Variants in FBF1 observed in about 807,000 individuals in gnomAD.
FBF1 encodes fas-binding factor 1.
Under a neutral mutation model 147.2 loss-of-function variants are expected in FBF1, and 119 were observed. The observed-to-expected ratio is 0.81, with a 90% CI of 0.70 to 0.94. The LOEUF is 0.94. FBF1 is among the 40% of genes least tolerant of loss of function. The pLI, the probability that FBF1 is intolerant of heterozygous loss-of-function variation, is 0.00. For synonymous variants in FBF1, 601 were observed against 609.0 expected, an observed-to-expected ratio of 0.99 and a Z score of 0.19; for missense variants, 1,449 against 1,500.8, an observed-to-expected ratio of 0.97 and a Z score of 0.57.
Position 75,920,124 on chromosome 17 carries a change from G to A in FBF1, c.1831-17C>T, listed in dbSNP as rs2065515807. Reference sequence around the variant, plus strand: ...CTTCCGCACCTGGGAGACAGCAGGAGGGCCAGCAACCAGGGAGGGGAGGTG... The same window carrying A: ...CTTCCGCACCTGGGAGACAGCAGGAAGGCCAGCAACCAGGGAGGGGAGGTG... On this transcript the variant is annotated splice_polypyrimidine_tract_variant and intron_variant, in intron 18 of 29. Transcript: ENST00000636174. 1.9e-6 allele frequency: 3 copies of A among 1,580,994 alleles called. No homozygotes were observed. The highest frequency in any genetic ancestry group is 4.7e-5 in the East Asian group (2 of 42,752).
chr17:75,926,251 C>A (rs374802861), intron 11 of FBF1, 37 bp downstream of exon 11: 1 of 1,610,566 alleles, frequency 6.2e-7, no homozygotes, highest in African/African-American at 1.3e-5. Context: ...TTTCCCTGAA[C>A]CTGAGGCAGC....
intron 23 of FBF1, among the ~76,000 whole-genome samples, chr17:75,916,896 A>T (rs2065492214): frequency 1.3e-5 from 2 of 152,222 alleles, no homozygotes; most frequent in African/African-American, 4.8e-5. Context: ...TGTTAACCAG[A>T]CTGGTGTGCC....
intron 9 of FBF1, 37 bp downstream of exon 9, chr17:75,927,418 C>A: frequency 6.5e-7 from 1 of 1,547,438 alleles, no homozygotes; most frequent in Non-Finnish European, 8.8e-7. Context: ...ACTCCCAAAC[C>A]AGAGTGTCCC....
chr17:75,920,840 G>A (rs901483809), intron 17 of FBF1, among the ~76,000 whole-genome samples: 3 of 151,944 alleles, frequency 2.0e-5, no homozygotes, highest in South Asian at 2.1e-4. Context: ...TGGGGGGGGG[G>A]GGGGCACACC....
rs1170021565 is a variant in FBF1, at chr17:75,928,645, AAAAAATAC to A, written c.280-460_280-453del. The stretch of plus-strand genomic sequence containing the variant: ...CAACATGATGAAACCCTGTCTCTAC[AAAAAATAC>A]AAAAATTAGTTGGGTGTGGTGGTGC... On this transcript the variant is annotated intron_variant, in intron 7 of 29. Coordinates refer to ENST00000636174, the MANE Select transcript of FBF1 (RefSeq NM_001319193.2). This position sits in a 1 kb window ranked among gnomAD's most constrained non-coding sequence, Gnocchi z 4.2. Among the ~76,000 whole-genome samples the A allele has an allele frequency of 6.6e-6, 1 of 151,858 alleles. No homozygotes were observed. Among genetic ancestry groups the A allele is most frequent in the African/African-American group, 2.4e-5 (1 of 41,316 alleles).
intron 28 of FBF1, 77 bp downstream of exon 28, chr17:75,913,625 G>T: frequency 2.5e-6 from 3 of 1,189,226 alleles, no homozygotes; most frequent in Non-Finnish European, 3.4e-6. Flanking sequence ...TGGAGCGGCT[G>T]GAGGAGGGCC....
Position 75,914,775 on chromosome 17 carries a change from C to G in FBF1, c.2786G>C (p.Arg929Pro). Residue 929 changes from arginine to proline, a missense_variant, in exon 25 of 30, where the codon CGG becomes CCG. By Grantham distance (103) the Arg-to-Pro change is moderately radical (BLOSUM62 -2). Transcript: ENST00000636174. ...AERALQVDTQ[R>P]EGTLISLAKE... ...GGCCAGGCTGATGAGGGTGCCCTCC[C>G]GCTGGGTGTCCACCTGCAATGCCCG... 6.3e-7 allele frequency: 1 copy of G among 1,588,186 alleles called. No homozygotes were observed. The highest frequency in any genetic ancestry group is 8.6e-7 in the Non-Finnish European group (1 of 1,168,522).
At position 75,926,855 on chromosome 17, in the gene FBF1, T is replaced by A; in HGVS notation, c.498A>T (p.Gly166=). 1 of 1,613,136 alleles carries A rather than the reference T, an allele frequency of 6.2e-7. No homozygotes were observed. The change falls in exon 10 of 30, where the codon GGA becomes GGT. Residue 166 remains glycine (G), a synonymous_variant. Transcript: ENST00000636174. ...TTCCTCCTTCATCATAGGAGAGAAG[T>A]CCTCTCAATGGGTCTTCCAAGTCTC... is the stretch of plus-strand genomic sequence containing the variant. ...SSEDLEDPLR[G]LLSYDEGGIT...
In FBF1 at chr17:75,935,694, T is replaced by A. The variant is rs763621457; in HGVS notation, c.32-21A>T. 5.9e-6 allele frequency: 9 copies of A among 1,536,068 alleles called. 1 individual carries two copies. In the South Asian group the frequency reaches 1.1e-4, roughly 18 times the overall value. ...GGAGCCTGGAACAGAAAAGGGACTG[T>A]CATGACTTCAGGAGGAAAGAAGAGT... On this transcript the variant is annotated intron_variant, in intron 3 of 29. Coordinates refer to ENST00000636174, the MANE Select transcript of FBF1 (RefSeq NM_001319193.2).
intron 15 of FBF1, 124 bp from the exon 16 acceptor site, chr17:75,921,684 C>T (rs1165131435): frequency 9.0e-4 from 37 of 41,106 alleles, no homozygotes; most frequent in Admixed American, 4.9e-3. Context: ...ACGTGGGACA[C>T]GGGGATGGGG....
At chr17:75,938,357 T>G in intron 1 of FBF1, 125 bp from the exon 2 acceptor site, 2 of 669,364 alleles carry the variant, frequency 3.0e-6, no homozygotes, top group Non-Finnish European at 5.1e-6. Flanking sequence ...GGTCAGGAAT[T>G]CAAGACCAGC....
intron 5 of FBF1, among the ~76,000 whole-genome samples, chr17:75,931,878 T>TG (rs1025285851): frequency 1.3e-5 from 2 of 151,740 alleles, no homozygotes; most frequent in Admixed American, 6.6e-5. Context: ...CTCTCATCTG[T>TG]GGGGTATTCA....
chr17:75,940,337 G>A (rs997051359), intron 1 of FBF1, among the ~76,000 whole-genome samples: 1 of 150,590 alleles, frequency 6.6e-6, no homozygotes, highest in Non-Finnish European at 1.5e-5. Context: ...CTGCAGCCTC[G>A]ACCTCCTTGG....
In FBF1 at chr17:75,925,926, G is replaced by C. The variant is rs1452198406; in HGVS notation, c.868+104C>G. 1 of 1,395,462 alleles carries C rather than the reference G, an allele frequency of 7.2e-7. No homozygotes were observed. Among genetic ancestry groups the C allele is most frequent in the Non-Finnish European group, 9.6e-7 (1 of 1,046,956 alleles). 86.4% of individuals were successfully genotyped at this position (1,395,462 alleles called of 1,614,324 possible). On this transcript the variant is annotated intron_variant, in intron 12 of 29. Transcript: ENST00000636174. This position sits in a 1 kb window ranked among gnomAD's most constrained non-coding sequence, Gnocchi z 5.0. ...CAGCTATAGACGTGTATAATCACAT[G>C]TGTGTATCAGGATGTGAGGCTGATT...
chr17:75,925,487 G>A lies in FBF1; in HGVS notation c.869-41C>T. ...CCTGTGACCGTGATCTGGAGTAGGG[G>A]AACCAAGCTCATTTGCGGCTGCAAA... On this transcript the variant is annotated intron_variant, in intron 12 of 29. Coordinates refer to ENST00000636174, the MANE Select transcript of FBF1 (RefSeq NM_001319193.2). This position sits in a 1 kb window ranked among gnomAD's most constrained non-coding sequence, Gnocchi z 5.0. The A allele has an allele frequency of 1.3e-6, 2 of 1,549,876 alleles. No homozygotes were observed. The highest frequency in any genetic ancestry group is 8.8e-7 in the Non-Finnish European group (1 of 1,137,894).
Position 75,937,634 on chromosome 17 carries a change from G to C in FBF1, c.4-41C>G, listed in dbSNP as rs555097054. 7.4e-6 allele frequency: 12 copies of C among 1,611,144 alleles called. No individual in the cohort carries two copies. The South Asian group carries it at 1.2e-4, about 16-fold the overall frequency. On this transcript the variant is annotated intron_variant, in intron 2 of 29. Transcript: ENST00000636174. ...CAAATCACATCAAGAAAACCAAACA[G>C]TGAACACAGGTGGAAATTGGCAATG... is the stretch of plus-strand genomic sequence containing the variant.
chr17:75,921,216 A>G, intron 17 of FBF1, 28 bp downstream of exon 17: 3 of 1,566,694 alleles, frequency 1.9e-6, no homozygotes, highest in Non-Finnish European at 2.6e-6. Flanking sequence ...CTAGGCCCTG[A>G]GCTAGACCTG....
At chr17:75,927,569 C>G in intron 8 of FBF1, 37 bp from the exon 9 acceptor site, 2 of 1,550,680 alleles carry the variant, frequency 1.3e-6, no homozygotes, top group Non-Finnish European at 1.8e-6. Flanking sequence ...GGGCCTGAGT[C>G]TCTCCTGGCC....
chr17:75,935,896 C>T (rs1188623862), intron 3 of FBF1, among the ~76,000 whole-genome samples: 1 of 152,196 alleles, frequency 6.6e-6, no homozygotes, highest in East Asian at 1.9e-4. Flanking sequence ...CTATCTCAGG[C>T]TGGGCGCAGT....
Sources: allele counts gnomAD v4.1 joint callset (sites outside exome capture counted in the v4.1 genomes callset), GRCh38; gene constraint gnomAD v4.1.1; non-coding constraint Gnocchi (gnomAD v3.1); transcripts MANE v1.5; gene names NCBI Gene and HGNC (gene_info 2026-07-23, HGNC 2026-07-21).